The following ZNF608 variants were observed in gnomAD, a reference collection of about 807,000 sequenced individuals.
The protein encoded by ZNF608 is renal carcinoma antigen NY-REN-36.
In ZNF608, 12 loss-of-function variants were observed where a neutral mutation model predicts 109.0. The observed-to-expected ratio is 0.11, with a 90% CI of 0.07 to 0.18. The LOEUF (loss-of-function observed/expected upper bound fraction) is 0.18. ZNF608 is among the 10% of genes least tolerant of loss of function. The pLI is 1.00. For missense variants in ZNF608, 1,707 were observed against 1,879.3 expected, an observed-to-expected ratio of 0.91 and a Z score of 1.70; for synonymous variants, 732 against 717.4, an observed-to-expected ratio of 1.02 and a Z score of -0.33.
chr5:124,701,348 A>G (rs980971511), intron 2 of ZNF608, 79 bp from the exon 3 acceptor site: 2 of 1,518,874 alleles, frequency 1.3e-6, no homozygotes, highest in Admixed American at 1.8e-5. Context: ...TATCACTTCT[A>G]GAATATATCA....
chr5:124,676,015 C>T (rs1014548786), intron 3 of ZNF608, among the ~76,000 whole-genome samples: 3 of 152,162 alleles, frequency 2.0e-5, no homozygotes, highest in South Asian at 4.1e-4. Flanking sequence ...CACACAAAGG[C>T]CTGCTGGCAG....
Position 124,696,201 on chromosome 5 carries a change from GA to G in ZNF608, c.1162+4812del, listed in dbSNP as rs1181839305. ...CTCCGTCTCAAGAAAAAAAAAAAAG[GA>G]AAAAAAGAGAGAGAGAGAATCATTT... On this transcript the variant is annotated intron_variant, in intron 3 of 9. Transcript: ENST00000513986. Among the ~76,000 whole-genome samples the G allele has an allele frequency of 4.6e-5, 7 of 150,946 alleles. No homozygotes were observed. In the East Asian group the frequency reaches 5.8e-4, roughly 13 times the overall value.
chr5:124,721,734 A>G (rs973472168), intron 2 of ZNF608, among the ~76,000 whole-genome samples: 145 of 151,796 alleles, frequency 9.6e-4, no homozygotes, highest in African/African-American at 3.3e-3. Flanking sequence ...TCAGGGGTTC[A>G]AGACCAGCCT....
At chr5:124,691,286 A>T (rs1433340182) in intron 3 of ZNF608, among the ~76,000 whole-genome samples, 1 of 152,046 alleles carries the variant, frequency 6.6e-6, no homozygotes, top group Non-Finnish European at 1.5e-5. Context: ...CAAAAAAAAA[A>T]GGTGAGGGCT....
chr5:124,702,228 C>A (rs1753082518), intron 2 of ZNF608, among the ~76,000 whole-genome samples: 1 of 152,144 alleles, frequency 6.6e-6, no homozygotes, highest in African/African-American at 2.4e-5. Flanking sequence ...TAGCTTTGAC[C>A]CTGATTATTG....
chr5:124,719,153 A>G (rs1316509771), intron 2 of ZNF608, among the ~76,000 whole-genome samples: 2 of 152,376 alleles, frequency 1.3e-5, no homozygotes, highest in East Asian at 3.9e-4. Flanking sequence ...TGAAGAAGAC[A>G]GATATAAATC....
At chr5:124,641,427 T>G (rs980424919) in intron 7 of ZNF608, 22 bp from the exon 8 acceptor site, 1 of 1,594,612 alleles carries the variant, frequency 6.3e-7, no homozygotes, top group African/African-American at 1.3e-5. Context: ...AAGAGAAATT[T>G]TCCCCCTTCA....
At chr5:124,657,568 G>A (rs1267384181) in intron 3 of ZNF608, among the ~76,000 whole-genome samples, 7 of 152,038 alleles carry the variant, frequency 4.6e-5, no homozygotes, top group South Asian at 2.1e-4. Context: ...CCAGCTACTC[G>A]GGAGGCGGAG....
At chr5:124,740,409 A>T (rs1329712351) in intron 2 of ZNF608, among the ~76,000 whole-genome samples, 2 of 152,108 alleles carry the variant, frequency 1.3e-5, no homozygotes, top group African/African-American at 2.4e-5. Context: ...GTCCGACAAC[A>T]ATGGACTCTG....
At chr5:124,692,860 G>C (rs1228917597) in intron 3 of ZNF608, among the ~76,000 whole-genome samples, 1 of 152,146 alleles carries the variant, frequency 6.6e-6, no homozygotes, top group Non-Finnish European at 1.5e-5. Context: ...GACCTGACAA[G>C]CATGCCTAGC....
chr5:124,645,732 C>T (rs1336438940), intron 5 of ZNF608, among the ~76,000 whole-genome samples: 1 of 152,056 alleles, frequency 6.6e-6, no homozygotes, highest in East Asian at 1.9e-4. Flanking sequence ...ACCCATGGGG[C>T]TCTGGGACAG....
chr5:124,682,399 A>G lies in ZNF608; in HGVS notation c.1162+18615T>C, dbSNP rs545093066. On this transcript the variant is annotated intron_variant, in intron 3 of 9. Transcript: ENST00000513986. ...ACCATGAATCCTTTTTTAGGAAGCT[A>G]TTGGAAAATGTGCACCACGAAAATG... is the stretch of plus-strand genomic sequence containing the variant. 7.9e-4 allele frequency among the ~76,000 whole-genome samples: 121 copies of G among 152,336 alleles called. 1 individual carries two copies. Among genetic ancestry groups the G allele is most frequent in the African/African-American group, 2.8e-3 (115 of 41,570 alleles).
rs562411190 is a variant in ZNF608, at chr5:124,694,489, G to A, written c.1162+6525C>T. Reference sequence around the variant, plus strand: ...TGCCTTTTCCATGTGAAAGTGGGTAGCACTTGTGTACTTCAGAAGTCCACT... The same window carrying A: ...TGCCTTTTCCATGTGAAAGTGGGTAACACTTGTGTACTTCAGAAGTCCACT... On this transcript the variant is annotated intron_variant, in intron 3 of 9. Coordinates refer to ENST00000513986, the MANE Select transcript of ZNF608 (RefSeq NM_020747.3). 5.3e-5 allele frequency among the ~76,000 whole-genome samples: 8 copies of A among 152,136 alleles called. No individual in the cohort carries two copies. The South Asian group carries it at 1.7e-3, about 32-fold the overall frequency.
Position 124,745,094 on chromosome 5 carries a change from C to T in ZNF608, c.-105G>A, listed in dbSNP as rs969794852. On this transcript the variant is annotated 5_prime_UTR_variant, in exon 2 of 10. Coordinates refer to ENST00000513986, the MANE Select transcript of ZNF608 (RefSeq NM_020747.3). Reference sequence around the variant, plus strand: ...GCTTTCTCTCAAAGAAAAAAAAAATCTTCTAATCTTCCTCTTCTTTTTCCT... The same window carrying T: ...GCTTTCTCTCAAAGAAAAAAAAAATTTTCTAATCTTCCTCTTCTTTTTCCT... 46 of 1,464,382 alleles carry T rather than the reference C, an allele frequency of 3.1e-5. No individual in the cohort carries two copies. The highest frequency in any genetic ancestry group is 4.1e-5 in the Non-Finnish European group (46 of 1,117,724). 90.7% of individuals were successfully genotyped at this position (1,464,382 alleles called of 1,614,324 possible).
intron 3 of ZNF608, among the ~76,000 whole-genome samples, chr5:124,662,179 C>T (rs910155237): frequency 5.3e-5 from 8 of 152,182 alleles, no homozygotes. Flanking sequence ...TTGTCTTCTT[C>T]AATTGACGTT....
chr5:124,639,935 A>C (rs1246489093), intron 8 of ZNF608, among the ~76,000 whole-genome samples: 1 of 152,220 alleles, frequency 6.6e-6, no homozygotes, highest in Non-Finnish European at 1.5e-5. Flanking sequence ...TATTATCTTA[A>C]AAGAGACAAT....
intron 8 of ZNF608, among the ~76,000 whole-genome samples, chr5:124,640,996 T>G (rs1046187594): frequency 6.6e-6 from 1 of 152,198 alleles, no homozygotes; most frequent in Admixed American, 6.5e-5. Context: ...GCCACCGCCC[T>G]CAGTCTGTGA....
At chr5:124,657,323 T>G (rs903035123) in intron 3 of ZNF608, among the ~76,000 whole-genome samples, 1 of 151,956 alleles carries the variant, frequency 6.6e-6, no homozygotes, top group Non-Finnish European at 1.5e-5. Flanking sequence ...CAGTGAAAAC[T>G]TACAGGGCCC....
intron 2 of ZNF608, among the ~76,000 whole-genome samples, chr5:124,720,988 TG>T (rs879936099): frequency 6.6e-6 from 1 of 152,168 alleles, no homozygotes; most frequent in Non-Finnish European, 1.5e-5. Context: ...CTGAAAGTCA[TG>T]TGGATAACAA....
Sources: gnomAD v4.1 joint callset for allele counts (sites outside exome capture counted in the v4.1 genomes callset) on GRCh38, gnomAD v4.1.1 for gene constraint, MANE v1.5 for transcripts, NCBI Gene and HGNC (gene_info 2026-07-23, HGNC 2026-07-21) for gene names.